The following FAM13A variants were observed in gnomAD, a reference collection of about 807,000 sequenced individuals.
FAM13A encodes protein FAM13A.
FAM13A carries 76 observed loss-of-function variants against 129.6 expected under a neutral mutation model. The observed-to-expected ratio is 0.59, with a 90% CI of 0.49 to 0.71. FAM13A has a LOEUF of 0.71. FAM13A is among the 30% of genes least tolerant of loss of function. FAM13A has a pLI of 0.00. For missense variants in FAM13A, 1,108 were observed against 1,249.3 expected, an observed-to-expected ratio of 0.89 and a Z score of 1.70; for synonymous variants, 443 against 449.9, an observed-to-expected ratio of 0.98 and a Z score of 0.20.
Position 88,737,538 on chromosome 4 carries a change from C to T in FAM13A, c.2580G>A (p.Lys860=). The T allele has an allele frequency of 3.1e-6, 5 of 1,614,052 alleles. No homozygotes were observed. Among genetic ancestry groups the T allele is most frequent in the Non-Finnish European group, 4.2e-6 (5 of 1,179,932 alleles). ...TTGGCTGCAGCAAAGGGCTTCTCCG[C>T]TTGCTGGAGGGGGAACCCTGTGACA... The part of the protein sequence containing the change: ...TIPIIGSPSS[K]RRSPLLQPII... The change falls in exon 21 of 24, where the codon AAG becomes AAA. Residue 860 remains lysine (K), a synonymous_variant. Transcript: ENST00000264344.
intron 6 of FAM13A, among the ~76,000 whole-genome samples, chr4:88,880,926 A>C (rs1231328504): frequency 1.3e-5 from 2 of 151,956 alleles, no homozygotes; most frequent in African/African-American, 4.8e-5. Flanking sequence ...CCCTAGGAAC[A>C]TAACTCCATT....
chr4:88,795,267 C>G (rs1465131715), intron 8 of FAM13A, among the ~76,000 whole-genome samples: 2 of 151,662 alleles, frequency 1.3e-5, no homozygotes. Flanking sequence ...TATCCTCATA[C>G]CTTCTCTAAT....
chr4:88,838,188 C>T (rs1196710223), intron 7 of FAM13A, among the ~76,000 whole-genome samples: 4 of 66,640 alleles, frequency 6.0e-5, no homozygotes, highest in Non-Finnish European at 2.4e-5. Flanking sequence ...GTCCTGAAAC[C>T]TACCCCCAGG....
intron 6 of FAM13A, among the ~76,000 whole-genome samples, chr4:88,857,163 TTATC>T (rs976470310): frequency 1.2e-4 from 18 of 152,202 alleles, no homozygotes; most frequent in African/African-American, 4.3e-4. Flanking sequence ...TTACACATGC[TTATC>T]TTTTTTTGTA....
In FAM13A at chr4:88,726,974, G is replaced by GA. The variant is rs1486960176; in HGVS notation, c.*1558dup. On this transcript the variant is annotated 3_prime_UTR_variant, in exon 24 of 24. Transcript: ENST00000264344. ...GAGCTGCTACCTCACTTCAGCAATG[G>GA]AAAATGTTGCTGTAAATCCCATTGG... 2.6e-5 allele frequency: 4 copies of GA among 152,384 alleles called. No individual in the cohort carries two copies. Among genetic ancestry groups the GA allele is most frequent in the African/African-American group, 9.6e-5 (4 of 41,452 alleles). The allele number at this position is 152,384 out of a possible 1,614,324, so 9.4% of individuals were successfully genotyped here.
At chr4:88,941,201 G>A (rs983294843) in intron 4 of FAM13A, among the ~76,000 whole-genome samples, 2 of 152,188 alleles carry the variant, frequency 1.3e-5, no homozygotes, top group Admixed American at 1.3e-4. Context: ...AAACTAAGTT[G>A]TTATCTGACT....
At chr4:88,957,618 G>T (rs1242446976) in intron 4 of FAM13A, among the ~76,000 whole-genome samples, 1 of 152,238 alleles carries the variant, frequency 6.6e-6, no homozygotes, top group Non-Finnish European at 1.5e-5. Context: ...TTGGAACTGG[G>T]TAACAGGCAG....
intron 7 of FAM13A, among the ~76,000 whole-genome samples, chr4:88,814,543 A>G (rs1415826976): frequency 6.6e-6 from 1 of 152,208 alleles, no homozygotes; most frequent in Non-Finnish European, 1.5e-5. Context: ...TTGGGTTTCT[A>G]TCAAATCAAG....
chr4:88,906,162 C>A (rs1748122225), intron 6 of FAM13A, among the ~76,000 whole-genome samples: 1 of 152,136 alleles, frequency 6.6e-6, no homozygotes, highest in Non-Finnish European at 1.5e-5. Context: ...GTGGTGCGCA[C>A]CTTTAGTCCG....
At chr4:89,020,280 CTT>C (rs374510433) in intron 3 of FAM13A, among the ~76,000 whole-genome samples, 178 bp downstream of exon 3, 12 of 124,718 alleles carry the variant, frequency 9.6e-5, no homozygotes, top group African/African-American at 3.0e-4. Flanking sequence ...TTTTTCTGCC[CTT>C]TTTTTTTTTT....
chr4:88,945,460 C>CCTCTTAATT (rs1755505121), intron 4 of FAM13A, among the ~76,000 whole-genome samples: 1 of 151,980 alleles, frequency 6.6e-6, no homozygotes, highest in Non-Finnish European at 1.5e-5. Flanking sequence ...GACTCTTGCC[C>CCTCTTAATT]CTCTTAATTT....
chr4:88,992,815 G>T (rs765749327), intron 3 of FAM13A, among the ~76,000 whole-genome samples: 1 of 152,244 alleles, frequency 6.6e-6, no homozygotes, highest in Non-Finnish European at 1.5e-5. Context: ...TTAGAGGAAT[G>T]ACTACAATCC....
intron 4 of FAM13A, among the ~76,000 whole-genome samples, chr4:88,972,482 G>C (rs1243306455): frequency 1.3e-5 from 2 of 151,058 alleles, no homozygotes; most frequent in Non-Finnish European, 3.0e-5. Flanking sequence ...TGGTATTTTA[G>C]TAGAGACAGG....
At chr4:88,945,990 G>GTGTGTGTGTATATATATATATATATA in intron 4 of FAM13A, among the ~76,000 whole-genome samples, 7 of 61,946 alleles carry the variant, frequency 1.1e-4, no homozygotes, top group Non-Finnish European at 2.0e-4. Context: ...GTGTGTGTGT[G>GTGTGTGTGTATATATATATATATATA]TATATATATA....
intron 1 of FAM13A, among the ~76,000 whole-genome samples, chr4:89,033,421 T>G (rs1768968169): frequency 6.6e-6 from 1 of 152,084 alleles, no homozygotes; most frequent in Non-Finnish European, 1.5e-5. Flanking sequence ...CCAGTTCGCA[T>G]AAGAAAGTGG....
At chr4:88,931,063 G>C (rs1291695984) in intron 5 of FAM13A, among the ~76,000 whole-genome samples, 2 of 152,112 alleles carry the variant, frequency 1.3e-5, no homozygotes, top group African/African-American at 4.8e-5. Flanking sequence ...CAGGCAAGAA[G>C]CCTGGACAAG....
intron 17 of FAM13A, among the ~76,000 whole-genome samples, 172 bp from the exon 18 acceptor site, chr4:88,748,023 G>A (rs1246669764): frequency 2.0e-5 from 3 of 152,152 alleles, no homozygotes; most frequent in African/African-American, 4.8e-5. Context: ...CTGAGTAGCT[G>A]GGACTACAGG....
In FAM13A at chr4:88,998,778, G is replaced by C. The variant is rs60487797; in HGVS notation, c.428-7628C>G. Among the ~76,000 whole-genome samples the C allele has an allele frequency of 5.4e-3, 827 of 152,210 alleles. 10 individuals are homozygous for C. The highest frequency in any genetic ancestry group is 0.018 in the African/African-American group (763 of 41,524). ...CAGAATCAGACTGGGTTTTACCTCCGCATTTCATTCCCCAAGACTGGAATC... is the reference window on the plus strand; with the variant it reads ...CAGAATCAGACTGGGTTTTACCTCCCCATTTCATTCCCCAAGACTGGAATC... On this transcript the variant is annotated intron_variant, in intron 3 of 23. Transcript: ENST00000264344.
chr4:88,750,106 A>C (rs1742255780), intron 15 of FAM13A, among the ~76,000 whole-genome samples, 197 bp from the exon 16 acceptor site: 1 of 152,214 alleles, frequency 6.6e-6, no homozygotes, highest in Non-Finnish European at 1.5e-5. Context: ...TATTAAGTAC[A>C]TCTAGGCTTT....
Sources: gnomAD v4.1 joint callset for allele counts (sites outside exome capture counted in the v4.1 genomes callset) on GRCh38, gnomAD v4.1.1 for gene constraint, MANE v1.5 for transcripts, NCBI Gene and HGNC (gene_info 2026-07-23, HGNC 2026-07-21) for gene names.